TCF25: variants seen among roughly 807,000 people sequenced by gnomAD.
TCF25 encodes ribosome quality control complex subunit TCF25.
In TCF25, 41 loss-of-function variants were observed where a neutral mutation model predicts 83.1. That is an observed-to-expected ratio of 0.49 (90% confidence interval 0.38 to 0.64). The LOEUF is 0.64. Ranked by LOEUF, TCF25 falls within the 30% of genes least tolerant of loss-of-function variation. TCF25 has a pLI of 0.00. For synonymous variants in TCF25, 458 were observed against 365.0 expected (o/e 1.25, Z -2.90); for missense variants, 979 against 914.5 (o/e 1.07, Z -0.91).
intron 2 of TCF25, 47 bp downstream of exon 2, chr16:89,883,559 A>G: frequency 1.3e-6 from 2 of 1,542,112 alleles, no homozygotes; most frequent in Non-Finnish European, 1.8e-6. Flanking sequence ...GGAGAGTTCC[A>G]AGGCACCCAG....
chr16:89,894,947 C>T (rs933975950), intron 7 of TCF25, 91 bp from the exon 8 acceptor site: 52 of 1,173,506 alleles, frequency 4.4e-5, no homozygotes, highest in Admixed American at 8.5e-5. Flanking sequence ...GCCCAGCCTC[C>T]GCTGGTTTTA....
At position 89,911,312 on chromosome 16, in the gene TCF25, C is replaced by A; in HGVS notation, c.*74C>A. 1 of 1,582,098 alleles carries A rather than the reference C, an allele frequency of 6.3e-7. No individual in the cohort carries two copies. The highest frequency in any genetic ancestry group is 2.3e-5 in the East Asian group (1 of 44,358). On this transcript the variant is annotated 3_prime_UTR_variant, in exon 18 of 18. Coordinates refer to ENST00000263346, the MANE Select transcript of TCF25 (RefSeq NM_014972.3). Reference sequence around the variant, plus strand: ...TCTGTTGGTCGGAGTCGGCCAGTTGCCTGAAGTAGGGAAGCTGAGTGTGTC... The same window carrying A: ...TCTGTTGGTCGGAGTCGGCCAGTTGACTGAAGTAGGGAAGCTGAGTGTGTC...
intron 6 of TCF25, 41 bp downstream of exon 6, chr16:89,892,316 G>T: frequency 6.3e-7 from 1 of 1,583,292 alleles, no homozygotes. Flanking sequence ...AGGGTTGGGG[G>T]GCGTTGTCTG....
intron 12 of TCF25, 69 bp downstream of exon 12, chr16:89,900,863 G>A (rs1290683373): frequency 1.4e-6 from 2 of 1,427,872 alleles, no homozygotes; most frequent in South Asian, 1.6e-5. Context: ...GCTCTTCCTG[G>A]TGGTGGAGGC....
At chr16:89,906,717 G>A (rs1431407516) in intron 15 of TCF25, among the ~76,000 whole-genome samples, 1 of 152,164 alleles carries the variant, frequency 6.6e-6, no homozygotes. Flanking sequence ...AAGTCAGAGG[G>A]TCGCAGGACC....
intron 1 of TCF25, among the ~76,000 whole-genome samples, chr16:89,876,454 A>G (rs1055628440): frequency 2.0e-5 from 3 of 152,162 alleles, no homozygotes; most frequent in Non-Finnish European, 4.4e-5. Context: ...TTTAGAGACA[A>G]GATCTCTTTA....
In TCF25 at chr16:89,895,830, G is replaced by A. The variant is rs144174305; in HGVS notation, c.929-160G>A. 3.4e-3 allele frequency among the ~76,000 whole-genome samples: 519 copies of A among 152,286 alleles called. 6 individuals are homozygous for A. The highest frequency in any genetic ancestry group is 4.4e-3 in the Non-Finnish European group (299 of 68,024). Reference sequence around the variant, plus strand: ...CTGTGGTTGAAATAAATGCAGCGTGGCATCCAGGGTGCCCAGGGGCATGTC... The same window carrying A: ...CTGTGGTTGAAATAAATGCAGCGTGACATCCAGGGTGCCCAGGGGCATGTC... On this transcript the variant is annotated intron_variant, in intron 8 of 17. Transcript: ENST00000263346.
chr16:89,897,023 T>C (rs900756684), intron 9 of TCF25, among the ~76,000 whole-genome samples: 3 of 149,000 alleles, frequency 2.0e-5, no homozygotes, highest in African/African-American at 7.5e-5. Flanking sequence ...TGAGACCTTG[T>C]CTCTCAAAAA....
rs28556615 is a variant in TCF25, at chr16:89,894,136, G to C, written c.828+278G>C. Among the ~76,000 whole-genome samples, 761 of 152,256 alleles carry C rather than the reference G, an allele frequency of 5.0e-3. 6 individuals are homozygous for C. The highest frequency in any genetic ancestry group is 0.017 in the African/African-American group (714 of 41,532). ...CGTCGCAGTAGTGCCGTGTGATGCAGGCCCAGGACTCTGGGGCTTCTCACT... is the reference window on the plus strand; with the variant it reads ...CGTCGCAGTAGTGCCGTGTGATGCACGCCCAGGACTCTGGGGCTTCTCACT... On this transcript the variant is annotated intron_variant, in intron 7 of 17. Coordinates refer to ENST00000263346, the MANE Select transcript of TCF25 (RefSeq NM_014972.3).
chr16:89,892,357 A>G, intron 6 of TCF25, 82 bp downstream of exon 6: 3 of 981,482 alleles, frequency 3.1e-6, no homozygotes, highest in South Asian at 1.5e-5. Context: ...AAACCAGGTG[A>G]GGGTCTGCAG....
intron 6 of TCF25, 70 bp downstream of exon 6, chr16:89,892,345 G>A: frequency 6.8e-7 from 1 of 1,479,502 alleles, no homozygotes; most frequent in Admixed American, 2.0e-5. Flanking sequence ...CCCCGGTACA[G>A]CAAACCAGGT....
At chr16:89,888,805 C>T (rs2043203250) in intron 5 of TCF25, among the ~76,000 whole-genome samples, 1 of 147,916 alleles carries the variant, frequency 6.8e-6, no homozygotes, top group African/African-American at 2.5e-5. Context: ...TCCCGAGTAG[C>T]TGGGATTGCA....
chr16:89,904,005 T>G, intron 12 of TCF25, 113 bp from the exon 13 acceptor site: 3 of 1,087,150 alleles, frequency 2.8e-6, no homozygotes, highest in Non-Finnish European at 4.0e-6. Flanking sequence ...CTCTCCACCT[T>G]AGAACAGCTG....
At chr16:89,888,236 A>G (rs1291731651) in intron 5 of TCF25, among the ~76,000 whole-genome samples, 3 of 152,082 alleles carry the variant, frequency 2.0e-5, no homozygotes, top group Non-Finnish European at 4.4e-5. Flanking sequence ...ACTGCACTCC[A>G]GCCTGGCCGA....
At chr16:89,874,003 G>A in intron 1 of TCF25, 144 bp downstream of exon 1, 3 of 1,084,784 alleles carry the variant, frequency 2.8e-6, no homozygotes, top group Non-Finnish European at 3.8e-6. Flanking sequence ...GGGGAGGGCG[G>A]GGCCGTGCGT....
chr16:89,897,854 G>C (rs942111653), intron 9 of TCF25, among the ~76,000 whole-genome samples: 2 of 152,210 alleles, frequency 1.3e-5, no homozygotes, highest in African/African-American at 4.8e-5. Context: ...GGTGGCTCAC[G>C]CTTGTAATCT....
chr16:89,908,848 C>G (rs2045304232), intron 16 of TCF25: 1 of 1,144,678 alleles, frequency 8.7e-7, no homozygotes, highest in Admixed American at 2.6e-5. Flanking sequence ...TCGCAGCTCC[C>G]AGCTCTCTCC....
chr16:89,891,002 A>G (rs2043385392), intron 5 of TCF25, among the ~76,000 whole-genome samples: 1 of 152,096 alleles, frequency 6.6e-6, no homozygotes, highest in East Asian at 1.9e-4. Flanking sequence ...TGGTTCTCTC[A>G]GAAGCTCAGA....
chr16:89,906,061 TAC>T (rs2044751705), intron 14 of TCF25, 131 bp from the exon 15 acceptor site: 1 of 777,518 alleles, frequency 1.3e-6, no homozygotes, highest in South Asian at 1.7e-5. Flanking sequence ...GAGTAAAGTG[TAC>T]AGTTTTTGCA....
Sources: gnomAD v4.1 joint callset for allele counts (sites outside exome capture counted in the v4.1 genomes callset) on GRCh38, gnomAD v4.1.1 for gene constraint, MANE v1.5 for transcripts, NCBI Gene and HGNC (gene_info 2026-07-23, HGNC 2026-07-21) for gene names.